CFH: variants seen among roughly 807,000 people sequenced by gnomAD.
The protein encoded by CFH is complement factor H.
A neutral mutation model predicts 147.3 loss-of-function variants in CFH; 53 were observed. The ratio of observed to expected loss-of-function variants is 0.36; its 90% CI spans 0.29 to 0.45. The LOEUF is 0.45. Among genes scored for constraint, CFH ranks in the 20% least tolerant of loss-of-function variants. The pLI, the probability that CFH is intolerant of heterozygous loss-of-function variation, is 1.00. For missense variants in CFH, 1,380 were observed against 1,498.0 expected (o/e 0.92, Z 1.30); for synonymous variants, 536 against 489.4 (o/e 1.10, Z -1.26).
rs1010133825 is a variant in CFH at position 196,747,029 on chromosome 1, T to C, written c.3494-82T>C. 6 of 1,585,252 alleles carry C rather than the reference T, an allele frequency of 3.8e-6. No individual in the cohort carries two copies. In the African/African-American group the frequency reaches 5.5e-5, roughly 14 times the overall value. On this transcript the variant is annotated intron_variant, in intron 21 of 21. Coordinates refer to ENST00000367429, the MANE Select transcript of CFH (RefSeq NM_000186.4). ...GAGAAATAATTCCTGAACCATCATA[T>C]AACATTCTACTTGAAAACCTGAAAG...
At chr1:196,741,125 T>A (rs977218251) in intron 18 of CFH, 1 of 299,910 alleles carries the variant, frequency 3.3e-6, no homozygotes, top group Non-Finnish European at 6.3e-6. Context: ...TGCCTATAAG[T>A]ACATTTTCTG....
At chr1:196,716,464 C>A (rs1668872421) in intron 11 of CFH, among the ~76,000 whole-genome samples, 1 of 151,924 alleles carries the variant, frequency 6.6e-6, no homozygotes, top group African/African-American at 2.4e-5. Context: ...CTAATGAAAA[C>A]CCATAAAAGA....
intron 6 of CFH, among the ~76,000 whole-genome samples, chr1:196,684,825 G>A (rs968927474): frequency 1.3e-5 from 2 of 151,930 alleles, no homozygotes; most frequent in Admixed American, 6.6e-5. Flanking sequence ...ATGAAGTATG[G>A]GATGACTTTG....
At position 196,713,909 on chromosome 1, in the gene CFH, C is replaced by T. The variant is rs377008918; in HGVS notation, c.1511C>T (p.Thr504Met). 29 of 1,611,526 alleles carry T rather than the reference C, an allele frequency of 1.8e-5. No individual in the cohort carries two copies. Among genetic ancestry groups the T allele is most frequent in the Admixed American group, 1.7e-4 (10 of 59,830 alleles). ...AAAGATGGATGGTCAGCTCAACCCA[C>T]GTGCATTAGTAAGTAATTTATTATG... ...CGKDGWSAQP[T>M]CIKSCDIPVF... is the part of the protein sequence containing the mutation. The change falls in exon 10 of 22, where the codon ACG becomes ATG. Residue 504 changes from threonine to methionine, a missense_variant. Transcript: ENST00000367429.
At chr1:196,734,783 T>C (rs180962997) in intron 15 of CFH, among the ~76,000 whole-genome samples, 15 of 152,232 alleles carry the variant, frequency 9.9e-5, no homozygotes, top group Non-Finnish European at 1.9e-4. Context: ...TCAATTTTAT[T>C]AATATTTTCA....
chr1:196,720,805 C>A (rs931830879), intron 11 of CFH, among the ~76,000 whole-genome samples: 1 of 151,680 alleles, frequency 6.6e-6, no homozygotes, highest in Non-Finnish European at 1.5e-5. Flanking sequence ...AATTGATTTC[C>A]TTTGGGTAGA....
At chr1:196,742,276 T>C (rs892903726) in intron 19 of CFH, among the ~76,000 whole-genome samples, 2 of 152,148 alleles carry the variant, frequency 1.3e-5, no homozygotes, top group Non-Finnish European at 2.9e-5. Context: ...CTTGGGAGAC[T>C]GAGGCAGGAG....
chr1:196,691,642 TAAC>T (rs1219929946), intron 9 of CFH, among the ~76,000 whole-genome samples: 1 of 151,888 alleles, frequency 6.6e-6, no homozygotes, highest in Non-Finnish European at 1.5e-5. Flanking sequence ...GGAATCATCT[TAAC>T]AATTCTGAAT....
At chr1:196,722,669 A>G (rs968861609) in intron 11 of CFH, among the ~76,000 whole-genome samples, 5 of 152,172 alleles carry the variant, frequency 3.3e-5, no homozygotes, top group African/African-American at 1.2e-4. Context: ...ATTTTCCTCA[A>G]AAAGGTTTTT....
intron 11 of CFH, among the ~76,000 whole-genome samples, chr1:196,716,753 G>A (rs1668878648): frequency 6.6e-6 from 1 of 152,132 alleles, no homozygotes; most frequent in Admixed American, 6.6e-5. Flanking sequence ...TTTCTCACAA[G>A]TATGTAGGTA....
chr1:196,702,963 C>T (rs1668498042), intron 9 of CFH, among the ~76,000 whole-genome samples: 1 of 152,216 alleles, frequency 6.6e-6, no homozygotes, highest in South Asian at 2.1e-4. Flanking sequence ...CCAGAAGCCC[C>T]AGAAAATTTG....
In CFH at chr1:196,747,311, T is replaced by C. The variant is rs1442482770; in HGVS notation, c.3694T>C (p.Ter1232GlnextTer4). ...GGAGTATCCAACTTGTGCAAAAAGA[T>C]AGAATCAATCATAAAGTGCACACCT... ...KLEYPTCAKR[*>Q] Residue 1232 changes from the stop codon to glutamine (Q), a stop_lost, in exon 22 of 22, where the codon TAG (stop) becomes CAG (glutamine). Coordinates refer to ENST00000367429, the MANE Select transcript of CFH (RefSeq NM_000186.4). 3 of 1,613,988 alleles carry C rather than the reference T, an allele frequency of 1.9e-6. No individual in the cohort carries two copies. Among genetic ancestry groups the C allele is most frequent in the Non-Finnish European group, 2.5e-6 (3 of 1,179,980 alleles).
chr1:196,730,910 AG>A (rs1354463364), intron 15 of CFH, among the ~76,000 whole-genome samples: 1 of 151,622 alleles, frequency 6.6e-6, no homozygotes, highest in Non-Finnish European at 1.5e-5. Flanking sequence ...GTTCTCTTTT[AG>A]TTTTTATTTT....
chr1:196,698,734 C>T (rs114245464), intron 9 of CFH, among the ~76,000 whole-genome samples: 2,014 of 152,266 alleles, frequency 0.013, 27 homozygotes, highest in Non-Finnish European at 0.023. Flanking sequence ...ATGGAGCCAG[C>T]ATCATCCTGA....
At chr1:196,740,487 G>T (rs1652773653) in intron 17 of CFH, 132 bp from the exon 18 acceptor site, 1 of 873,468 alleles carries the variant, frequency 1.1e-6, no homozygotes, top group Non-Finnish European at 1.7e-6. Context: ...GGAAACATTT[G>T]TGTTACTTCT....
chr1:196,745,044 A>G (rs537375875), intron 20 of CFH, among the ~76,000 whole-genome samples: 1 of 152,290 alleles, frequency 6.6e-6, no homozygotes, highest in South Asian at 2.1e-4. Context: ...CATCATTTGA[A>G]TTGTTGATCC....
At chr1:196,657,492 G>A (rs76512175) in intron 1 of CFH, among the ~76,000 whole-genome samples, 2,265 of 152,166 alleles carry the variant, frequency 0.015, 48 homozygotes, top group African/African-American at 0.045. Flanking sequence ...CTGACTTTTC[G>A]TACATGCGGT....
chr1:196,654,689 A>G (rs1666624949), intron 1 of CFH, among the ~76,000 whole-genome samples: 1 of 151,948 alleles, frequency 6.6e-6, no homozygotes, highest in African/African-American at 2.4e-5. Context: ...ATAAATTAAA[A>G]CTCTACTGAA....
intron 1 of CFH, among the ~76,000 whole-genome samples, chr1:196,668,217 A>C (rs138911573): frequency 2.6e-5 from 4 of 152,110 alleles, no homozygotes; most frequent in African/African-American, 9.6e-5. Context: ...AGCCCAGAGA[A>C]CTTTTTTAGT....
Sources: gnomAD v4.1 joint callset for allele counts (sites outside exome capture counted in the v4.1 genomes callset) on GRCh38, gnomAD v4.1.1 for gene constraint, MANE v1.5 for transcripts, NCBI Gene and HGNC (gene_info 2026-07-23, HGNC 2026-07-21) for gene names.